Variants in VTI1A observed in about 807,000 individuals in gnomAD.
VTI1A encodes the protein vesicle transport through interaction with t-SNAREs 1A, also known as vesicle transport through interaction with t-SNAREs homolog 1A.
In VTI1A, 22 loss-of-function variants were observed where a neutral mutation model predicts 34.9. The ratio of observed to expected loss-of-function variants is 0.63; its 90% CI spans 0.45 to 0.90. The LOEUF is 0.90. VTI1A is among the 40% of genes least tolerant of loss of function. The pLI, the probability that VTI1A is intolerant of heterozygous loss-of-function variation, is 0.00. For synonymous variants in VTI1A, 87 were observed against 97.3 expected (o/e 0.89, Z 0.62); for missense variants, 268 against 275.6 (o/e 0.97, Z 0.20).
At chr10:112,797,097 A>G (rs995655169) in intron 7 of VTI1A, among the ~76,000 whole-genome samples, 5 of 152,166 alleles carry the variant, frequency 3.3e-5, no homozygotes, top group Non-Finnish European at 7.4e-5. Context: ...TATCACTGGA[A>G]AGGGGAACCA....
chr10:112,855,254 C>T, the VTI1A span, among the ~76,000 whole-genome samples: 6 of 152,286 alleles, frequency 3.9e-5, no homozygotes, highest in East Asian at 1.2e-3. Flanking sequence ...TTAGTGGCTT[C>T]CCCTCACCCA....
At chr10:112,671,342 A>G (rs1350959770) in intron 7 of VTI1A, among the ~76,000 whole-genome samples, 1 of 152,184 alleles carries the variant, frequency 6.6e-6, no homozygotes. Flanking sequence ...AGGAAATGTT[A>G]TGTTATTGAA....
intron 5 of VTI1A, among the ~76,000 whole-genome samples, chr10:112,569,052 G>A (rs968715191): frequency 4.6e-5 from 7 of 152,044 alleles, no homozygotes; most frequent in Admixed American, 1.3e-4. Flanking sequence ...CTACTTGGGA[G>A]GCTGAGCCAG....
At chr10:112,575,532 A>G (rs1245458760) in intron 5 of VTI1A, among the ~76,000 whole-genome samples, 1 of 152,200 alleles carries the variant, frequency 6.6e-6, no homozygotes, top group Admixed American at 6.5e-5. Flanking sequence ...GTTTTCAAGA[A>G]TGTTAACGTT....
chr10:112,476,361 T>G (rs1455431949), intron 3 of VTI1A, among the ~76,000 whole-genome samples: 1 of 152,184 alleles, frequency 6.6e-6, no homozygotes. Context: ...AAGACAAACC[T>G]TTTCCTTGGC....
intron 7 of VTI1A, among the ~76,000 whole-genome samples, chr10:112,712,783 G>A (rs1335179720): frequency 6.6e-6 from 1 of 152,200 alleles, no homozygotes; most frequent in Non-Finnish European, 1.5e-5. Flanking sequence ...GGAGACTGGT[G>A]CAGGTTCAAG....
chr10:112,495,260 G>A (rs900827574), intron 3 of VTI1A, among the ~76,000 whole-genome samples: 3 of 128,122 alleles, frequency 2.3e-5, no homozygotes, highest in Non-Finnish European at 4.7e-5. Flanking sequence ...TTATTTGAAA[G>A]CTTTCAAGCA....
At chr10:112,511,151 T>C (rs929901778) in intron 3 of VTI1A, among the ~76,000 whole-genome samples, 5 of 152,140 alleles carry the variant, frequency 3.3e-5, no homozygotes, top group African/African-American at 1.2e-4. Flanking sequence ...AAGAAGAACA[T>C]ACACTCTCTA....
intron 7 of VTI1A, among the ~76,000 whole-genome samples, chr10:112,730,038 T>TTC (rs1396679968): frequency 6.6e-6 from 1 of 152,248 alleles, no homozygotes; most frequent in African/African-American, 2.4e-5. Flanking sequence ...GTTATTTCAC[T>TTC]TCTCTGGAGC....
intron 7 of VTI1A, among the ~76,000 whole-genome samples, chr10:112,753,925 T>A (rs1851188819): frequency 6.6e-6 from 1 of 152,136 alleles, no homozygotes; most frequent in Non-Finnish European, 1.5e-5. Context: ...CTTTCCACCA[T>A]CAAGTCTAAA....
At chr10:112,613,171 C>T (rs7082666) in intron 5 of VTI1A, among the ~76,000 whole-genome samples, 79,876 of 151,906 alleles carry the variant, frequency 0.53, 21,356 homozygotes, top group Admixed American at 0.64. Context: ...GTTTTAATAA[C>T]GGGATATACT....
intron 5 of VTI1A, among the ~76,000 whole-genome samples, chr10:112,599,508 C>T (rs1329284272): frequency 6.6e-6 from 1 of 152,152 alleles, no homozygotes; most frequent in Non-Finnish European, 1.5e-5. Flanking sequence ...CGCCAATAAG[C>T]GCTGAAGGAG....
At chr10:112,558,979 GAAA>G in intron 5 of VTI1A, among the ~76,000 whole-genome samples, 1 of 151,260 alleles carries the variant, frequency 6.6e-6, no homozygotes, top group South Asian at 2.1e-4. Context: ...TCTAGAAGAA[GAAA>G]AAAAAAGTGT....
chr10:112,500,197 G>T (rs1478750327), intron 3 of VTI1A, among the ~76,000 whole-genome samples: 1 of 152,174 alleles, frequency 6.6e-6, no homozygotes, highest in Admixed American at 6.5e-5. Flanking sequence ...AGCACTTTGG[G>T]AGGCCAAGGT....
intron 5 of VTI1A, among the ~76,000 whole-genome samples, chr10:112,540,472 G>A (rs1850824670): frequency 6.6e-6 from 1 of 152,216 alleles, no homozygotes; most frequent in Admixed American, 6.5e-5. Context: ...TGGGAGGATG[G>A]ATAAGAATGG....
intron 5 of VTI1A, among the ~76,000 whole-genome samples, chr10:112,652,540 A>C (rs1475808205): frequency 6.6e-6 from 1 of 151,846 alleles, no homozygotes; most frequent in African/African-American, 2.4e-5. Flanking sequence ...GGGCAACATG[A>C]CAAAACCCCA....
chr10:112,599,203 G>C (rs1199060354), intron 5 of VTI1A, among the ~76,000 whole-genome samples: 2 of 152,110 alleles, frequency 1.3e-5, no homozygotes, highest in Non-Finnish European at 2.9e-5. Flanking sequence ...GAAGCAGCTT[G>C]CAGAGTAGGA....
chr10:112,822,829 C>A (rs1443322185), downstream of VTI1A, among the ~76,000 whole-genome samples: 3 of 152,196 alleles, frequency 2.0e-5, no homozygotes, highest in Non-Finnish European at 2.9e-5. Flanking sequence ...CAGATTTATT[C>A]ATTCATTCAT....
chr10:112,614,060 G>T (rs564885423), intron 5 of VTI1A, among the ~76,000 whole-genome samples: 3 of 152,090 alleles, frequency 2.0e-5, no homozygotes, highest in Admixed American at 2.0e-4. Flanking sequence ...ACAAAGAGAA[G>T]TGGGTTTTAG....
Sources: gnomAD v4.1 joint callset for allele counts (sites outside exome capture counted in the v4.1 genomes callset) on GRCh38, gnomAD v4.1.1 for gene constraint, MANE v1.5 for transcripts, NCBI Gene and HGNC (gene_info 2026-07-23, HGNC 2026-07-21) for gene names.